The following POT1 variants were observed in gnomAD, a reference collection of about 807,000 sequenced individuals.
POT1 encodes the protein protection of telomeres protein 1.
Under a neutral mutation model 78.5 loss-of-function variants are expected in POT1, and 47 were observed. The observed-to-expected ratio is 0.60, with a 90% CI of 0.47 to 0.76. POT1 has a LOEUF of 0.76. Ranked by LOEUF, POT1 falls within the 30% of genes least tolerant of loss-of-function variation. The pLI is 0.00. For synonymous variants in POT1, 259 were observed against 260.7 expected (o/e 0.99, Z 0.06); for missense variants, 646 against 749.9 (o/e 0.86, Z 1.62).
chr7:124,894,469 C>A (rs748305142), intron 5 of POT1, among the ~76,000 whole-genome samples: 4 of 151,538 alleles, frequency 2.6e-5, no homozygotes, highest in Non-Finnish European at 5.9e-5. Context: ...TAATTCATTA[C>A]CAATAAACAA....
At chr7:124,922,234 T>C (rs927559276) in intron 2 of POT1, among the ~76,000 whole-genome samples, 6 of 152,020 alleles carry the variant, frequency 3.9e-5, no homozygotes, top group Non-Finnish European at 7.4e-5. Context: ...CTGAAATATA[T>C]GAAATGGTAG....
Position 124,862,008 on chromosome 7 carries a change from C to T in POT1, c.546+1342G>A, listed in dbSNP as rs1375195736. Among the ~76,000 whole-genome samples, 18 of 152,234 alleles carry T rather than the reference C, an allele frequency of 1.2e-4. No individual in the cohort carries two copies. The East Asian group carries it at 3.1e-3, about 26-fold the overall frequency. On this transcript the variant is annotated intron_variant, in intron 8 of 18. Coordinates refer to ENST00000357628, the MANE Select transcript of POT1 (RefSeq NM_015450.3). ...ACAATGCTTTTTTGGTTACTGTAGC[C>T]TTGTAGTACAGGTTGAAGTCAGGTA...
intron 6 of POT1, among the ~76,000 whole-genome samples, chr7:124,890,690 A>C (rs1403808217): frequency 1.3e-5 from 2 of 151,876 alleles, no homozygotes; most frequent in East Asian, 3.9e-4. Context: ...ACTTATCCTT[A>C]GCATTTTTTA....
chr7:124,902,088 T>C (rs765026602), intron 3 of POT1, among the ~76,000 whole-genome samples: 28 of 152,280 alleles, frequency 1.8e-4, no homozygotes, highest in Non-Finnish European at 3.2e-4. Flanking sequence ...TAGATCCAAA[T>C]TGGAAAACAC....
intron 7 of POT1, among the ~76,000 whole-genome samples, chr7:124,864,690 C>T (rs1446722742): frequency 3.9e-5 from 6 of 152,072 alleles, no homozygotes; most frequent in African/African-American, 7.2e-5. Context: ...CTATTTTACG[C>T]GTTCTACTTC....
At chr7:124,887,819 AAAATT>A (rs1165927689) in intron 6 of POT1, among the ~76,000 whole-genome samples, 3 of 152,152 alleles carry the variant, frequency 2.0e-5, no homozygotes, top group Admixed American at 6.6e-5. Flanking sequence ...TAAATTTAGT[AAAATT>A]AAATTAAACA....
At chr7:124,825,113 G>C (rs1223060885) in intron 18 of POT1, 139 bp downstream of exon 18, 2 of 442,962 alleles carry the variant, frequency 4.5e-6, no homozygotes, top group Non-Finnish European at 8.0e-6. Context: ...ATCAAAGGTT[G>C]ATCATAGAGT....
chr7:124,905,600 CA>C (rs1206485190), intron 3 of POT1, among the ~76,000 whole-genome samples: 1 of 151,498 alleles, frequency 6.6e-6, no homozygotes, highest in Admixed American at 6.6e-5. Flanking sequence ...ACTAAAACAC[CA>C]AAAGCAATGG....
At chr7:124,836,894 C>T (rs577549074) in intron 14 of POT1, among the ~76,000 whole-genome samples, 57 of 152,308 alleles carry the variant, frequency 3.7e-4, no homozygotes, top group African/African-American at 1.3e-3. Flanking sequence ...TACATTGCCA[C>T]TAATGCCTAA....
chr7:124,926,509 G>C (rs976845031), intron 2 of POT1, among the ~76,000 whole-genome samples: 3 of 152,058 alleles, frequency 2.0e-5, no homozygotes, highest in Non-Finnish European at 2.9e-5. Context: ...CAACCTCTAT[G>C]GAAAACAGTA....
chr7:124,881,945 T>C (rs1796128922), intron 6 of POT1, among the ~76,000 whole-genome samples: 1 of 152,040 alleles, frequency 6.6e-6, no homozygotes, highest in Non-Finnish European at 1.5e-5. Context: ...ATATTTAAAC[T>C]GCTGACAAAG....
At position 124,849,559 on chromosome 7, in the gene POT1, G is replaced by A. The variant is rs535998233; in HGVS notation, c.949+2313C>T. On this transcript the variant is annotated intron_variant, in intron 11 of 18. Coordinates refer to ENST00000357628, the MANE Select transcript of POT1 (RefSeq NM_015450.3). ...TGGATATAAATTTCTATGACCTTTG[G>A]TAAATAATCTGGCAGCATCTATTAA... Among the ~76,000 whole-genome samples, 32 of 152,182 alleles carry A rather than the reference G, an allele frequency of 2.1e-4. 1 individual carries two copies. The highest frequency in any genetic ancestry group is 1.2e-3 in the South Asian group (6 of 4,826).
At chr7:124,922,261 A>AG (rs1421966929) in intron 2 of POT1, among the ~76,000 whole-genome samples, 1 of 152,106 alleles carries the variant, frequency 6.6e-6, no homozygotes, top group Non-Finnish European at 1.5e-5. Flanking sequence ...TTCACAATGA[A>AG]GGGAAATAAT....
At chr7:124,851,525 T>C (rs1206416380) in intron 11 of POT1, among the ~76,000 whole-genome samples, 4 of 152,248 alleles carry the variant, frequency 2.6e-5, no homozygotes, top group Non-Finnish European at 5.9e-5. Context: ...AAAAAGTATT[T>C]GGGTTATGCG....
intron 14 of POT1, among the ~76,000 whole-genome samples, chr7:124,836,115 G>C (rs1270328291): frequency 1.3e-5 from 2 of 152,136 alleles, no homozygotes. Flanking sequence ...AATTATAAAG[G>C]AGAAGCACTT....
At chr7:124,855,406 A>G (rs1489906042) in intron 9 of POT1, among the ~76,000 whole-genome samples, 1 of 151,792 alleles carries the variant, frequency 6.6e-6, no homozygotes, top group Non-Finnish European at 1.5e-5. Flanking sequence ...AACATAACAA[A>G]ATTTCGAGGC....
intron 7 of POT1, among the ~76,000 whole-genome samples, chr7:124,866,486 T>C (rs1795728648): frequency 6.6e-6 from 1 of 152,214 alleles, no homozygotes; most frequent in Non-Finnish European, 1.5e-5. Context: ...TAAGTAGTTC[T>C]ACCCTGCTCT....
At chr7:124,877,360 A>C (rs1386853059) in intron 6 of POT1, among the ~76,000 whole-genome samples, 2 of 152,206 alleles carry the variant, frequency 1.3e-5, no homozygotes, top group African/African-American at 2.4e-5. Context: ...TTACCTCCAC[A>C]GTATCTTTCT....
intron 3 of POT1, among the ~76,000 whole-genome samples, chr7:124,903,483 A>C (rs1336400141): frequency 3.3e-5 from 5 of 152,236 alleles, no homozygotes; most frequent in Non-Finnish European, 7.3e-5. Flanking sequence ...CAATGAGAAC[A>C]AAGACACAAC....
Sources: allele counts gnomAD v4.1 joint callset (sites outside exome capture counted in the v4.1 genomes callset), GRCh38; gene constraint gnomAD v4.1.1; transcripts MANE v1.5; gene names NCBI Gene and HGNC (gene_info 2026-07-23, HGNC 2026-07-21).